The following IP6K3 variants were observed in gnomAD, a reference collection of about 807,000 sequenced individuals.
IP6K3 encodes inositol hexakisphosphate kinase 3.
A neutral mutation model predicts 28.8 loss-of-function variants in IP6K3; 20 were observed. That is an observed-to-expected ratio of 0.70 (90% CI 0.49 to 1.01). The LOEUF (loss-of-function observed/expected upper bound fraction) is 1.01, where lower values mean the gene tolerates loss of function less well. Among genes scored for constraint, IP6K3 ranks in the 50% least tolerant of loss-of-function variants. The probability of loss-of-function intolerance (pLI) is 0.00; values close to 1 mark genes in which losing one functional copy is unlikely to be tolerated. For synonymous variants in IP6K3, 213 were observed against 221.3 expected, an observed-to-expected ratio of 0.96 and a Z score of 0.33; for missense variants, 480 against 537.1, an observed-to-expected ratio of 0.89 and a Z score of 1.05.
chr6:33,746,160 G>A lies in IP6K3; in HGVS notation c.-180+598C>T, dbSNP rs897962439. ...GGGCATCAGGGACCACCGTTTGGTG[G>A]AGACATGTCTCCCACCCCCATGACC... On this transcript the variant is annotated intron_variant, in intron 1 of 5. Coordinates refer to ENST00000293756, the MANE Select transcript of IP6K3 (RefSeq NM_054111.5). This position sits in a 1 kb window ranked among gnomAD's most constrained non-coding sequence, Gnocchi z 6.5. Among the ~76,000 whole-genome samples, 3 of 152,086 alleles carry A rather than the reference G, an allele frequency of 2.0e-5. No individual in the cohort carries two copies. The highest frequency in any genetic ancestry group is 6.5e-5 in the Admixed American group (1 of 15,290).
chr6:33,753,367 C>A, the IP6K3 span, among the ~76,000 whole-genome samples: 1 of 152,126 alleles, frequency 6.6e-6, no homozygotes, highest in Non-Finnish European at 1.5e-5. Flanking sequence ...CCAAGAGACA[C>A]GTAAATTGCT....
rs561970918 is a variant in IP6K3, at chr6:33,729,800, G to A, written c.200-1500C>T. Among the ~76,000 whole-genome samples, 354 of 151,656 alleles carry A rather than the reference G, an allele frequency of 2.3e-3. 1 individual carries two copies. Among genetic ancestry groups the A allele is most frequent in the Middle Eastern group, 3.4e-3 (1 of 294 alleles). On this transcript the variant is annotated intron_variant, in intron 2 of 5. Transcript: ENST00000293756. ...GCAATCTCGGCTCACTGCAACCTCC[G>A]CCTCCCGGGTTCAAGCAGTTCTCTT...
intron 2 of IP6K3, 73 bp downstream of exon 2, chr6:33,735,205 G>C: frequency 2.3e-6 from 3 of 1,284,446 alleles, no homozygotes; most frequent in Non-Finnish European, 3.3e-6. Flanking sequence ...ACAGGAGGAC[G>C]TGGTGGGTGC....
chr6:33,755,665 C>T, the IP6K3 span, among the ~76,000 whole-genome samples: 1 of 152,218 alleles, frequency 6.6e-6, no homozygotes, highest in Non-Finnish European at 1.5e-5. Flanking sequence ...GTACAGGCTG[C>T]CTGCCACACC....
chr6:33,726,289 C>T (rs1484041024), intron 4 of IP6K3, among the ~76,000 whole-genome samples: 2 of 152,176 alleles, frequency 1.3e-5, no homozygotes, highest in African/African-American at 4.8e-5. Flanking sequence ...ACTGTGTGGG[C>T]CCCATGGGAA....
chr6:33,743,946 A>G lies in IP6K3; in HGVS notation c.-180+2812T>C, dbSNP rs568257464. On this transcript the variant is annotated intron_variant, in intron 1 of 5. Transcript: ENST00000293756. The stretch of plus-strand genomic sequence containing the variant: ...ATACGATTTTAATACAGAGATTATT[A>G]GTTTAGAAACCCTTCAGCCACTGAC... 1.2e-3 allele frequency among the ~76,000 whole-genome samples: 187 copies of G among 151,560 alleles called. No homozygotes were observed. In the Middle Eastern group the frequency reaches 0.014, roughly 11 times the overall value.
chr6:33,726,607 G>T, intron 4 of IP6K3, 124 bp downstream of exon 4: 1 of 1,003,070 alleles, frequency 1.0e-6, no homozygotes, highest in Non-Finnish European at 1.4e-6. Context: ...CCTCACATCT[G>T]TCTCTCCCTG....
intron 5 of IP6K3, among the ~76,000 whole-genome samples, chr6:33,724,590 A>G (rs1241815991): frequency 6.6e-6 from 1 of 152,208 alleles, no homozygotes; most frequent in African/African-American, 2.4e-5. Context: ...TTAGCAGGTT[A>G]TGAGCTTCCC....
chr6:33,728,391 T>A, intron 2 of IP6K3, 91 bp from the exon 3 acceptor site: 1 of 1,171,508 alleles, frequency 8.5e-7, no homozygotes, highest in Non-Finnish European at 1.2e-6. Context: ...GGAATTTAGC[T>A]TAATGGCCCT....
At position 33,735,572 on chromosome 6, in the gene IP6K3, G is replaced by A; in HGVS notation, c.-96C>T. The A allele has an allele frequency of 6.6e-7, 1 of 1,525,784 alleles. No homozygotes were observed. Among genetic ancestry groups the A allele is most frequent in the Non-Finnish European group, 8.7e-7 (1 of 1,143,506 alleles). 94.5% of individuals were successfully genotyped at this position (1,525,784 alleles called of 1,614,324 possible). On this transcript the variant is annotated 5_prime_UTR_variant, in exon 2 of 6. Transcript: ENST00000293756. ...CTCCCAACAGCACACGGGGCTGTCA[G>A]CGGTCCTCAACTTTCTCCTTCTTGG...
chr6:33,751,721 C>T (rs534203464), upstream of IP6K3, among the ~76,000 whole-genome samples: 7 of 152,274 alleles, frequency 4.6e-5, no homozygotes, highest in African/African-American at 7.2e-5. This position sits in a 1 kb window ranked among gnomAD's most constrained non-coding sequence, Gnocchi z 4.3. Context: ...GTGGCCTAGC[C>T]GGGATTTGAA....
chr6:33,749,033 C>G (rs550179750), upstream of IP6K3, among the ~76,000 whole-genome samples: 7 of 152,284 alleles, frequency 4.6e-5, no homozygotes, highest in African/African-American at 1.4e-4. Flanking sequence ...CCTTTCCCCC[C>G]AGCCCTGCGC....
rs761181130 is a variant in IP6K3, at chr6:33,735,268, A to G, written c.199+10T>C. 4 of 1,610,928 alleles carry G rather than the reference A, an allele frequency of 2.5e-6. No homozygotes were observed. The highest frequency in any genetic ancestry group is 3.4e-6 in the Non-Finnish European group (4 of 1,178,852). ...GCACCCAGACGTGGCCTGGCTGCCT[A>G]GACACTCACCTTTGTACTGTGGGGT... On this transcript the variant is annotated intron_variant, in intron 2 of 5. Coordinates refer to ENST00000293756, the MANE Select transcript of IP6K3 (RefSeq NM_054111.5).
In IP6K3 at chr6:33,730,711, C is replaced by T. The variant is rs926891196; in HGVS notation, c.200-2411G>A. 1.6e-4 allele frequency among the ~76,000 whole-genome samples: 24 copies of T among 152,068 alleles called. 1 individual carries two copies. The highest frequency in any genetic ancestry group is 1.1e-3 in the Admixed American group (17 of 15,274). ...CCTGTAAGGGTTTTGACGGTGGGCG[C>T]CTAGGCTCGGAGAGATGGGATAATC... On this transcript the variant is annotated intron_variant, in intron 2 of 5. Coordinates refer to ENST00000293756, the MANE Select transcript of IP6K3 (RefSeq NM_054111.5).
chr6:33,753,297 A>G, the IP6K3 span, among the ~76,000 whole-genome samples: 1 of 152,176 alleles, frequency 6.6e-6, no homozygotes, highest in Non-Finnish European at 1.5e-5. Context: ...ATTTCGGATT[A>G]TGTCTTGACA....
intron 1 of IP6K3, among the ~76,000 whole-genome samples, chr6:33,743,263 A>G (rs904676452): frequency 2.0e-5 from 3 of 152,234 alleles, no homozygotes; most frequent in African/African-American, 7.2e-5. Context: ...ATTAAGAAAC[A>G]GCTTGTAGCA....
At chr6:33,727,773 A>G in intron 3 of IP6K3, 4 of 940,838 alleles carry the variant, frequency 4.3e-6, no homozygotes, top group Non-Finnish European at 5.1e-6. Flanking sequence ...CTTCCTCCCC[A>G]GAGACACTTC....
At chr6:33,735,788 T>G in intron 1 of IP6K3, 133 bp from the exon 2 acceptor site, 1 of 416,948 alleles carries the variant, frequency 2.4e-6, no homozygotes, top group Non-Finnish European at 4.3e-6. Context: ...GGACTGTAAA[T>G]ATCCATTGAT....
chr6:33,755,815 C>A, the IP6K3 span, among the ~76,000 whole-genome samples: 1 of 152,206 alleles, frequency 6.6e-6, no homozygotes, highest in Non-Finnish European at 1.5e-5. Context: ...CCAATAAAAA[C>A]CATTGATGTT....
Sources: allele counts gnomAD v4.1 joint callset (sites outside exome capture counted in the v4.1 genomes callset), GRCh38; gene constraint gnomAD v4.1.1; non-coding constraint Gnocchi (gnomAD v3.1); transcripts MANE v1.5; gene names NCBI Gene and HGNC (gene_info 2026-07-23, HGNC 2026-07-21).